TTC28: variants seen among roughly 807,000 people sequenced by gnomAD.
TTC28 encodes the protein tetratricopeptide repeat protein 28.
In TTC28, 61 loss-of-function variants were observed where a neutral mutation model predicts 198.0. The ratio of observed to expected loss-of-function variants is 0.31; its 90% CI spans 0.25 to 0.38. The LOEUF is 0.38. Ranked by LOEUF, TTC28 falls within the 10% of genes least tolerant of loss-of-function variation. The pLI, the probability that TTC28 is intolerant of heterozygous loss-of-function variation, is 1.00. For synonymous variants in TTC28, 1,171 were observed against 1,297.8 expected, an observed-to-expected ratio of 0.90 and a Z score of 2.10; for missense variants, 2,678 against 3,164.0, an observed-to-expected ratio of 0.85 and a Z score of 3.69.
Position 28,056,954 on chromosome 22 carries a change from T to C in TTC28, c.3933-26588A>G, listed in dbSNP as rs187710200. On this transcript the variant is annotated intron_variant, in intron 12 of 22. Coordinates refer to ENST00000397906, the MANE Select transcript of TTC28 (RefSeq NM_001145418.2). ...AAAGTATTTTTCGGATTCATCCATG[T>C]TGCTGTTTGTATTTACAGCTTCTTA... Among the ~76,000 whole-genome samples, 7 of 152,346 alleles carry C rather than the reference T, an allele frequency of 4.6e-5. No homozygotes were observed. In the East Asian group the frequency reaches 9.6e-4, roughly 21 times the overall value.
At chr22:28,498,981 G>A (rs960475536) in intron 2 of TTC28, among the ~76,000 whole-genome samples, 1 of 151,954 alleles carries the variant, frequency 6.6e-6, no homozygotes, top group Non-Finnish European at 1.5e-5. Flanking sequence ...TTTGAAACCG[G>A]TCTGGGCAGC....
chr22:28,338,246 G>A (rs776120153), intron 2 of TTC28, among the ~76,000 whole-genome samples: 4 of 152,150 alleles, frequency 2.6e-5, no homozygotes, highest in Admixed American at 6.5e-5. Context: ...TGGGTAACCC[G>A]ACCTTTCTCT....
chr22:28,648,838 G>C (rs944672911), intron 1 of TTC28, among the ~76,000 whole-genome samples: 1 of 152,120 alleles, frequency 6.6e-6, no homozygotes, highest in Non-Finnish European at 1.5e-5. Context: ...GAGCCTATGA[G>C]GCAGAGGTTG....
chr22:28,275,795 C>A (rs5997352), intron 5 of TTC28, among the ~76,000 whole-genome samples: 116 of 151,770 alleles, frequency 7.6e-4, no homozygotes, highest in African/African-American at 2.6e-3. Context: ...ATGCCGCCTA[C>A]CCCTACACTC....
intron 2 of TTC28, chr22:28,443,043 G>C (rs1040880369): frequency 1.3e-5 from 2 of 152,228 alleles, no homozygotes; most frequent in African/African-American, 4.8e-5. Context: ...ACTGCGAAGG[G>C]AAAAGCCCCA....
At chr22:28,654,070 G>A (rs1601668109) in intron 1 of TTC28, among the ~76,000 whole-genome samples, 2 of 152,288 alleles carry the variant, frequency 1.3e-5, no homozygotes, top group Middle Eastern at 3.4e-3. Flanking sequence ...AAGGATAGAT[G>A]AGGACATTAT....
chr22:27,985,677 AT>A (rs200262188), intron 21 of TTC28: 166 of 217,232 alleles, frequency 7.6e-4, no homozygotes, highest in South Asian at 1.9e-3. Flanking sequence ...TTTCTTTTCC[AT>A]TTTTTTTTCA....
chr22:28,077,488 C>A (rs1941206182), intron 12 of TTC28, among the ~76,000 whole-genome samples: 1 of 152,194 alleles, frequency 6.6e-6, no homozygotes, highest in Non-Finnish European at 1.5e-5. Context: ...TGACAAGCTT[C>A]TTCTGATGTG....
In TTC28 at chr22:28,202,695, T is replaced by G. The variant is rs1159685656; in HGVS notation, c.934-39096A>C. ...AGCTGGCCTAGAGAGACCTTAGAGGTGCACGCACTGTCTAGCTCTTCCCTT... is the reference window on the plus strand; with the variant it reads ...AGCTGGCCTAGAGAGACCTTAGAGGGGCACGCACTGTCTAGCTCTTCCCTT... On this transcript the variant is annotated intron_variant, in intron 5 of 22. Transcript: ENST00000397906. Among the ~76,000 whole-genome samples, 3 of 152,106 alleles carry G rather than the reference T, an allele frequency of 2.0e-5. No individual in the cohort carries two copies. In the East Asian group the frequency reaches 5.8e-4, roughly 29 times the overall value.
intron 6 of TTC28, among the ~76,000 whole-genome samples, chr22:28,124,168 T>TTTG (rs71316831): frequency 0.72 from 106,282 of 148,014 alleles, 38,722 homozygotes; most frequent in Middle Eastern, 0.84. Flanking sequence ...CTTATCTCTC[T>TTTG]TTGTTGTTGT....
chr22:28,254,954 A>G (rs1930792911), intron 5 of TTC28, among the ~76,000 whole-genome samples: 2 of 152,242 alleles, frequency 1.3e-5, no homozygotes, highest in Admixed American at 6.5e-5. Context: ...CACTGTATCC[A>G]GTGATAAATT....
chr22:27,999,440 T>TAC, intron 15 of TTC28, 180 bp from the exon 16 acceptor site: 1 of 912,904 alleles, frequency 1.1e-6, no homozygotes, highest in Non-Finnish European at 1.6e-6. Context: ...GTGCCTAACT[T>TAC]ACTGAGAATC....
At chr22:28,589,762 G>A (rs1172584951) in intron 2 of TTC28, among the ~76,000 whole-genome samples, 2 of 151,952 alleles carry the variant, frequency 1.3e-5, no homozygotes, top group South Asian at 2.1e-4. Context: ...GAAAACGGTC[G>A]GGCATGGTGG....
chr22:28,432,183 G>A (rs1315657950), intron 2 of TTC28, among the ~76,000 whole-genome samples: 1 of 151,756 alleles, frequency 6.6e-6, no homozygotes, highest in Admixed American at 6.6e-5. Context: ...CTACTCGGGA[G>A]GCTGAGGCAG....
At chr22:28,115,660 C>T (rs535568691) in intron 6 of TTC28, among the ~76,000 whole-genome samples, 4 of 152,366 alleles carry the variant, frequency 2.6e-5, no homozygotes, top group East Asian at 1.9e-4. Flanking sequence ...CGCCATCGCA[C>T]GTCTGTTCTG....
At position 28,466,105 on chromosome 22, in the gene TTC28, G is replaced by A. The variant is rs192942235; in HGVS notation, c.382-159462C>T. Among the ~76,000 whole-genome samples, 341 of 152,298 alleles carry A rather than the reference G, an allele frequency of 2.2e-3. 1 individual carries two copies. Among genetic ancestry groups the A allele is most frequent in the Non-Finnish European group, 2.2e-3 (151 of 68,024 alleles). On this transcript the variant is annotated intron_variant, in intron 2 of 22. Transcript: ENST00000397906. ...CAGAGTTTATTGCTAAGGAAGAAAC[G>A]GAAGTGATTATTGGGGGAACAGCTA...
intron 12 of TTC28, chr22:28,056,077 A>C (rs1348773075): frequency 6.6e-6 from 1 of 152,226 alleles, no homozygotes; most frequent in African/African-American, 2.4e-5. Flanking sequence ...AAAGTGAAAC[A>C]TACAGAAAAA....
intron 1 of TTC28, among the ~76,000 whole-genome samples, chr22:28,672,968 AATTG>A (rs1698587293): frequency 6.6e-6 from 1 of 152,240 alleles, no homozygotes; most frequent in Admixed American, 6.5e-5. Context: ...CTTGATAAAT[AATTG>A]ATTGTAATGA....
chr22:28,454,315 G>A (rs1419322791), intron 2 of TTC28, among the ~76,000 whole-genome samples: 1 of 152,034 alleles, frequency 6.6e-6, no homozygotes, highest in African/African-American at 2.4e-5. Context: ...ACATTTCCTA[G>A]CATATTAGGT....
Sources: allele counts gnomAD v4.1 joint callset (sites outside exome capture counted in the v4.1 genomes callset), GRCh38; gene constraint gnomAD v4.1.1; transcripts MANE v1.5; gene names NCBI Gene and HGNC (gene_info 2026-07-23, HGNC 2026-07-21).